Variants in LRRC47 observed in about 807,000 individuals in gnomAD.
LRRC47 encodes leucine-rich repeat-containing protein 47.
A neutral mutation model predicts 40.9 loss-of-function variants in LRRC47; 31 were observed. The observed-to-expected ratio is 0.76, with a 90% CI of 0.57 to 1.02. The LOEUF (loss-of-function observed/expected upper bound fraction) is 1.02. LRRC47 is among the 50% of genes least tolerant of loss of function. The pLI, the probability that LRRC47 is intolerant of heterozygous loss-of-function variation, is 0.00. For synonymous variants in LRRC47, 427 were observed against 371.9 expected, an observed-to-expected ratio of 1.15 and a Z score of -1.70; for missense variants, 726 against 796.1, an observed-to-expected ratio of 0.91 and a Z score of 1.06.
rs1643531630 is a variant in LRRC47 at position 3,782,644 on chromosome 1, C to T, written c.1413+17G>A. The T allele has an allele frequency of 1.4e-5, 20 of 1,431,330 alleles. No individual in the cohort carries two copies. The highest frequency in any genetic ancestry group is 2.0e-5 in the Non-Finnish European group (20 of 1,013,212). The allele number at this position is 1,431,330 out of a possible 1,614,324, so 88.7% of individuals were successfully genotyped here. A position where few individuals can be genotyped will look rare whatever the true frequency, so the allele number is the denominator to read the frequency against. On this transcript the variant is annotated intron_variant, in intron 5 of 6. Transcript: ENST00000378251. The stretch of plus-strand genomic sequence containing the variant: ...CAGCCTAGAAGACACACCATGTTCA[C>T]ACACATGCCACCCTACCTTTGTCTT...
chr1:3,782,803 AAG>A, intron 4 of LRRC47, 40 bp from the exon 5 acceptor site: 1 of 1,220,428 alleles, frequency 8.2e-7, no homozygotes, highest in Non-Finnish European at 1.2e-6. Flanking sequence ...ATAATTATAA[AAG>A]AAACACTGTG....
rs1479907036 is a variant in LRRC47 at position 3,779,965 on chromosome 1, T to C, written c.*1123A>G. On this transcript the variant is annotated 3_prime_UTR_variant, in exon 7 of 7. Coordinates refer to ENST00000378251, the MANE Select transcript of LRRC47 (RefSeq NM_020710.3). Reference sequence around the variant, plus strand: ...AATTCTAAGGTCACATTAAAACTTTTCCCCCCAAGATTATGATCACTGCCA... The same window carrying C: ...AATTCTAAGGTCACATTAAAACTTTCCCCCCCAAGATTATGATCACTGCCA... The C allele has an allele frequency of 6.6e-6, 1 of 151,950 alleles. No homozygotes were observed. Among genetic ancestry groups the C allele is most frequent in the Non-Finnish European group, 1.5e-5 (1 of 67,996 alleles). 9.4% of individuals were successfully genotyped at this position (151,950 alleles called of 1,614,324 possible). A position where few individuals can be genotyped will look rare whatever the true frequency, so the allele number is the denominator to read the frequency against.
Position 3,796,367 on chromosome 1 carries a change from G to A in LRRC47, c.110C>T (p.Ala37Val). 1.3e-6 allele frequency: 2 copies of A among 1,511,200 alleles called. No homozygotes were observed. Among genetic ancestry groups the A allele is most frequent in the Non-Finnish European group, 1.8e-6 (2 of 1,137,556 alleles). 93.6% of individuals were successfully genotyped at this position (1,511,200 alleles called of 1,614,324 possible). The change falls in exon 1 of 7, where the codon GCG becomes GTG. Residue 37 changes from alanine (A) to valine (V), a missense_variant. Coordinates refer to ENST00000378251, the MANE Select transcript of LRRC47 (RefSeq NM_020710.3). ...TGPGLEERVR[A>V]AGGQLPPRLF... ...CCGCGGCGGCAGCTGCCCACCCGCC[G>A]CCCGCACTCGCTCCTCCAGCCCGGG... is the stretch of plus-strand genomic sequence containing the variant.
chr1:3,794,039 C>T (rs1234406570), intron 1 of LRRC47, among the ~76,000 whole-genome samples: 3 of 151,988 alleles, frequency 2.0e-5, no homozygotes, highest in Non-Finnish European at 2.9e-5. Context: ...ACTAAAAATA[C>T]GAAAAATTAG....
rs1643533617 is a variant in LRRC47 at position 3,782,793 on chromosome 1, A to C, written c.1311-30T>G. The C allele has an allele frequency of 2.3e-6, 3 of 1,316,546 alleles. No homozygotes were observed. The South Asian group carries it at 3.5e-5, about 15-fold the overall frequency. The allele number at this position is 1,316,546 out of a possible 1,614,324, so 81.6% of individuals were successfully genotyped here. ...ATGGGAAGAAATACAAATTCCAGGC[A>C]TAATTATAAAAGAAACACTGTGCTG... is the stretch of plus-strand genomic sequence containing the variant. On this transcript the variant is annotated intron_variant, in intron 4 of 6. Transcript: ENST00000378251.
In LRRC47 at chr1:3,781,001, G is replaced by A; in HGVS notation, c.*87C>T. 6.5e-7 allele frequency: 1 copy of A among 1,534,730 alleles called. No individual in the cohort carries two copies. The highest frequency in any genetic ancestry group is 1.4e-5 in the African/African-American group (1 of 71,598). ...AAAAAAAAAACCAACAAAAAAACTG[G>A]GGTGAAAATCTAACGGATAATTCAG... On this transcript the variant is annotated 3_prime_UTR_variant, in exon 7 of 7. Transcript: ENST00000378251.
rs150353432 is a variant in LRRC47, at chr1:3,783,873, G to C, written c.1310+123C>G. The C allele has an allele frequency of 9.6e-4, 708 of 739,588 alleles. 6 individuals carry two copies. In the East Asian group the frequency reaches 0.019, roughly 20 times the overall value. 45.8% of individuals were successfully genotyped at this position (739,588 alleles called of 1,614,324 possible). ...AAAGAGAATGCTTTCTTTGTACCCT[G>C]TTAAGAAGCTTCTGGGTTCTGGTAG... is the stretch of plus-strand genomic sequence containing the variant. On this transcript the variant is annotated intron_variant, in intron 4 of 6. Coordinates refer to ENST00000378251, the MANE Select transcript of LRRC47 (RefSeq NM_020710.3).
At chr1:3,788,689 A>C (rs1282476848) in intron 1 of LRRC47, among the ~76,000 whole-genome samples, 1 of 152,132 alleles carries the variant, frequency 6.6e-6, no homozygotes, top group East Asian at 1.9e-4. Context: ...TGGCTCAGAA[A>C]TGGGATGGCG....
At chr1:3,791,178 A>T (rs1051875128) in intron 1 of LRRC47, among the ~76,000 whole-genome samples, 19 of 152,122 alleles carry the variant, frequency 1.2e-4, no homozygotes, top group Non-Finnish European at 2.6e-4. Flanking sequence ...AGCGACCAGC[A>T]GCAAGAGCTG....
rs1183088179 is a variant in LRRC47, at chr1:3,780,962, G to A, written c.*126C>T. ...CTGCACTCCAGCCTGGCGACAGAGC[G>A]AGACTCCATCTCAAAAAAAAAAACC... On this transcript the variant is annotated 3_prime_UTR_variant, in exon 7 of 7. Transcript: ENST00000378251. 17 of 1,406,900 alleles carry A rather than the reference G, an allele frequency of 1.2e-5. No homozygotes were observed. Among genetic ancestry groups the A allele is most frequent in the African/African-American group, 7.2e-5 (5 of 69,442 alleles). The allele number at this position is 1,406,900 out of a possible 1,614,324, so 87.2% of individuals were successfully genotyped here.
At position 3,786,911 on chromosome 1, in the gene LRRC47, C is replaced by T; in HGVS notation, c.1015G>A (p.Ala339Thr). ...VRDVRPYIVG[A>T]VVRGMDLQPG... ...TGCAGGTCCATGCCTCGCACCACGG[C>T]CCCCACAATGTAGGGCCGCACATCC... Residue 339 changes from alanine to threonine, a missense_variant, in exon 2 of 7, where the codon GCC becomes ACC. Ala to Thr is a moderately conservative substitution (Grantham distance 58, BLOSUM62 0). Coordinates refer to ENST00000378251, the MANE Select transcript of LRRC47 (RefSeq NM_020710.3). The T allele has an allele frequency of 6.2e-7, 1 of 1,606,402 alleles. No homozygotes were observed.
chr1:3,779,809 G>A lies in LRRC47; in HGVS notation c.*1279C>T, dbSNP rs1056624519. On this transcript the variant is annotated 3_prime_UTR_variant, in exon 7 of 7. Coordinates refer to ENST00000378251, the MANE Select transcript of LRRC47 (RefSeq NM_020710.3). ...AACCCCACCGATGCCGCTCTCCTCC[G>A]CTTGGCCCCGCTGAGCCAGGGTGAG... is the stretch of plus-strand genomic sequence containing the variant. 5 of 152,136 alleles carry A rather than the reference G, an allele frequency of 3.3e-5. No homozygotes were observed. Among genetic ancestry groups the A allele is most frequent in the African/African-American group, 4.8e-5 (2 of 41,406 alleles). The allele number at this position is 152,136 out of a possible 1,614,324, so 9.4% of individuals were successfully genotyped here.
At chr1:3,784,888 G>A (rs767562577) in intron 3 of LRRC47, 199 bp downstream of exon 3, 39 of 328,024 alleles carry the variant, frequency 1.2e-4, no homozygotes, top group Admixed American at 5.5e-4. Flanking sequence ...TCAGCTATTC[G>A]GGAGGCTGAA....
rs995000479 is a variant in LRRC47 at position 3,781,016 on chromosome 1, G to A, written c.*72C>T. The A allele has an allele frequency of 1.9e-5, 30 of 1,551,604 alleles. 1 individual carries two copies. Among genetic ancestry groups the A allele is most frequent in the African/African-American group, 1.7e-4 (12 of 71,978 alleles). ...AAAAAAACTGGGGTGAAAATCTAAC[G>A]GATAATTCAGCATTGCCGCATAGAA... On this transcript the variant is annotated 3_prime_UTR_variant, in exon 7 of 7. Coordinates refer to ENST00000378251, the MANE Select transcript of LRRC47 (RefSeq NM_020710.3).
At chr1:3,789,260 AGG>A (rs1643605365) in intron 1 of LRRC47, among the ~76,000 whole-genome samples, 1 of 152,272 alleles carries the variant, frequency 6.6e-6, no homozygotes, top group African/African-American at 2.4e-5. Flanking sequence ...CCACCAGCCC[AGG>A]GCACAGCCTG....
At position 3,781,611 on chromosome 1, in the gene LRRC47, A is replaced by G; in HGVS notation, c.1414-10T>C. 6.2e-7 allele frequency: 1 copy of G among 1,603,200 alleles called. No individual in the cohort carries two copies. The highest frequency in any genetic ancestry group is 2.2e-5 in the East Asian group (1 of 44,728). ...AAGTCGTTTTCTTAACCTTAAAAGA[A>G]AAAAACATTTCAGAAAAGAACAGTT... is the stretch of plus-strand genomic sequence containing the variant. On this transcript the variant is annotated splice_polypyrimidine_tract_variant and intron_variant, in intron 5 of 6. Transcript: ENST00000378251.
chr1:3,782,756 G>A lies in LRRC47; in HGVS notation c.1318C>T (p.His440Tyr). ...TAATTTTCATTTCCATCCAGCAAGT[G>A]AAGGTATCTGTATGGGAAGAAATAC... Reference protein sequence around the residue: ...QSVSGLHRYLHLLDGNENYPC... With the variant: ...QSVSGLHRYLYLLDGNENYPC... The change falls in exon 5 of 7, where the codon CAC (histidine) becomes TAC (tyrosine). Residue 440 changes from histidine (H) to tyrosine (Y), a missense_variant. Coordinates refer to ENST00000378251, the MANE Select transcript of LRRC47 (RefSeq NM_020710.3). 6.3e-7 allele frequency: 1 copy of A among 1,584,096 alleles called. No individual in the cohort carries two copies.
intron 1 of LRRC47, among the ~76,000 whole-genome samples, chr1:3,795,411 T>G (rs1643664554): frequency 1.3e-5 from 2 of 152,190 alleles, no homozygotes; most frequent in South Asian, 4.1e-4. Flanking sequence ...AAGCTGCTAT[T>G]AGGATGAAGT....
chr1:3,783,830 C>A (rs748477252), intron 4 of LRRC47, 166 bp downstream of exon 4: 4 of 615,268 alleles, frequency 6.5e-6, no homozygotes, highest in Non-Finnish European at 1.1e-5. Context: ...CAGACTGGTT[C>A]CACAACGTCT....
Sources: allele counts gnomAD v4.1 joint callset (sites outside exome capture counted in the v4.1 genomes callset), GRCh38; gene constraint gnomAD v4.1.1; transcripts MANE v1.5; gene names NCBI Gene and HGNC (gene_info 2026-07-23, HGNC 2026-07-21).